The following SEMA6D variants were observed in gnomAD, a reference collection of about 807,000 sequenced individuals.
SEMA6D encodes semaphorin-6D.
In SEMA6D, 35 loss-of-function variants were observed where a neutral mutation model predicts 106.6. The ratio of observed to expected loss-of-function variants is 0.33; its 90% CI spans 0.25 to 0.44. The LOEUF (loss-of-function observed/expected upper bound fraction) is 0.44. Ranked by LOEUF, SEMA6D falls within the 20% of genes least tolerant of loss-of-function variation. The probability of loss-of-function intolerance (pLI) is 1.00; values close to 1 mark genes in which losing one functional copy is unlikely to be tolerated. For synonymous variants in SEMA6D, 499 were observed against 487.7 expected, an observed-to-expected ratio of 1.02 and a Z score of -0.31; for missense variants, 1,185 against 1,345.9, an observed-to-expected ratio of 0.88 and a Z score of 1.87.
intron 1 of SEMA6D, among the ~76,000 whole-genome samples, chr15:47,403,572 G>A (rs2040465564): frequency 6.6e-6 from 1 of 152,208 alleles, no homozygotes; most frequent in African/African-American, 2.4e-5. Flanking sequence ...GCAACAGAGT[G>A]TGATGAATGC....
chr15:47,299,578 T>G (rs2035938625), intron 1 of SEMA6D, among the ~76,000 whole-genome samples: 1 of 152,314 alleles, frequency 6.6e-6, no homozygotes, highest in African/African-American at 2.4e-5. Flanking sequence ...TAAAAGTAAA[T>G]TCAGCATACA....
chr15:47,232,751 A>C (rs1290724769), intron 1 of SEMA6D, among the ~76,000 whole-genome samples: 1 of 137,432 alleles, frequency 7.3e-6, no homozygotes, highest in African/African-American at 2.6e-5. Context: ...TGACTGTTCA[A>C]ACTCTTTGCA....
intron 1 of SEMA6D, among the ~76,000 whole-genome samples, chr15:47,342,504 CA>C (rs929157355): frequency 6.6e-6 from 1 of 152,126 alleles, no homozygotes. Flanking sequence ...GAAATTTTAA[CA>C]AGTGTTTATT....
chr15:47,252,108 G>T (rs958291071), intron 1 of SEMA6D, among the ~76,000 whole-genome samples: 1 of 145,098 alleles, frequency 6.9e-6, no homozygotes, highest in Non-Finnish European at 1.5e-5. Context: ...TAGTAGAGAC[G>T]GGGTTTCACC....
At chr15:47,770,198 A>G (rs1206513278) in intron 18 of SEMA6D, among the ~76,000 whole-genome samples, 1 of 152,216 alleles carries the variant, frequency 6.6e-6, no homozygotes, top group Non-Finnish European at 1.5e-5. Flanking sequence ...TTTTTTAGAT[A>G]GAAACTCTTA....
intron 4 of SEMA6D, among the ~76,000 whole-genome samples, chr15:47,604,500 A>G (rs59920866): frequency 0.087 from 13,269 of 152,270 alleles, 872 homozygotes; most frequent in African/African-American, 0.18. Context: ...TTATGGAAGA[A>G]GTAGTCCAGG....
chr15:47,558,742 C>T (rs1370822571), intron 3 of SEMA6D, among the ~76,000 whole-genome samples: 1 of 152,046 alleles, frequency 6.6e-6, no homozygotes, highest in African/African-American at 2.4e-5. Flanking sequence ...AGCTTTGCTT[C>T]TGCCTTCAAT....
intron 1 of SEMA6D, among the ~76,000 whole-genome samples, chr15:47,276,845 G>C (rs554915864): frequency 1.6e-4 from 24 of 152,202 alleles, no homozygotes; most frequent in African/African-American, 5.8e-4. Flanking sequence ...TGAAGGATCT[G>C]GGCAAAGTAA....
At chr15:47,220,763 C>CT (rs1332237693) in intron 1 of SEMA6D, among the ~76,000 whole-genome samples, 3 of 152,170 alleles carry the variant, frequency 2.0e-5, no homozygotes, top group African/African-American at 7.2e-5. Context: ...GCTATCCTGG[C>CT]TAGACAGCTA....
At chr15:47,221,822 A>G (rs2031233156) in intron 1 of SEMA6D, among the ~76,000 whole-genome samples, 1 of 152,232 alleles carries the variant, frequency 6.6e-6, no homozygotes, top group Non-Finnish European at 1.5e-5. Flanking sequence ...TGGATTGATA[A>G]AGAAAGCACA....
At chr15:47,294,753 T>A (rs954638930) in intron 1 of SEMA6D, among the ~76,000 whole-genome samples, 1 of 152,140 alleles carries the variant, frequency 6.6e-6, no homozygotes, top group Non-Finnish European at 1.5e-5. Flanking sequence ...GAGACCTTCA[T>A]TTTTCCCCTA....
At chr15:47,438,568 C>G (rs180774998) in intron 2 of SEMA6D, among the ~76,000 whole-genome samples, 95 of 152,022 alleles carry the variant, frequency 6.2e-4, no homozygotes, top group Admixed American at 9.8e-4. Context: ...TAGTTTCCTT[C>G]TTGTTCCTGA....
At chr15:47,499,749 C>A (rs1409870888) in intron 3 of SEMA6D, among the ~76,000 whole-genome samples, 1 of 152,032 alleles carries the variant, frequency 6.6e-6, no homozygotes, top group Non-Finnish European at 1.5e-5. Context: ...ATCTGGAGGG[C>A]TTGAAATTGC....
chr15:47,190,493 A>G (rs1017856274), intron 1 of SEMA6D, among the ~76,000 whole-genome samples: 1 of 152,192 alleles, frequency 6.6e-6, no homozygotes, highest in African/African-American at 2.4e-5. Flanking sequence ...GCAGTGAGAG[A>G]ATTACAATGT....
chr15:47,552,451 C>A (rs2045726052), intron 3 of SEMA6D, among the ~76,000 whole-genome samples: 1 of 148,450 alleles, frequency 6.7e-6, no homozygotes, highest in African/African-American at 2.5e-5. Flanking sequence ...TTATTCTTAT[C>A]AAGAAAATGG....
intron 1 of SEMA6D, among the ~76,000 whole-genome samples, chr15:47,196,742 T>C (rs974924940): frequency 2.0e-5 from 3 of 152,170 alleles, no homozygotes; most frequent in Non-Finnish European, 4.4e-5. Flanking sequence ...AGTAAGATGA[T>C]TGGAAATTTC....
At chr15:47,658,417 A>C (rs138454146) in intron 4 of SEMA6D, among the ~76,000 whole-genome samples, 2 of 152,326 alleles carry the variant, frequency 1.3e-5, no homozygotes, top group Non-Finnish European at 2.9e-5. Flanking sequence ...ACATTACTAC[A>C]AAAGATACAT....
chr15:47,572,715 A>C (rs1014372532), intron 3 of SEMA6D, among the ~76,000 whole-genome samples: 2 of 152,268 alleles, frequency 1.3e-5, no homozygotes, highest in Non-Finnish European at 2.9e-5. Context: ...ATACAAACAC[A>C]GAATGTGTAC....
chr15:47,324,784 G>A (rs2037060099), intron 1 of SEMA6D, among the ~76,000 whole-genome samples: 1 of 151,614 alleles, frequency 6.6e-6, no homozygotes, highest in South Asian at 2.1e-4. Context: ...TATTATACAT[G>A]TGTATGTGTT....
Sources: gnomAD v4.1 joint callset for allele counts (sites outside exome capture counted in the v4.1 genomes callset) on GRCh38, gnomAD v4.1.1 for gene constraint, MANE v1.5 for transcripts, NCBI Gene and HGNC (gene_info 2026-07-23, HGNC 2026-07-21) for gene names.